FRMPD1: variants seen among roughly 807,000 people sequenced by gnomAD.
FRMPD1 encodes the protein FERM and PDZ domain containing 1, also known as FERM and PDZ domain-containing protein 1.
A neutral mutation model predicts 117.8 loss-of-function variants in FRMPD1; 76 were observed. The observed-to-expected ratio is 0.65, with a 90% CI of 0.54 to 0.78. The LOEUF (loss-of-function observed/expected upper bound fraction) is 0.78. FRMPD1 is among the 30% of genes least tolerant of loss of function. The pLI is 0.00. For synonymous variants in FRMPD1, 783 were observed against 770.4 expected (o/e 1.02, Z -0.27); for missense variants, 1,786 against 1,964.5 (o/e 0.91, Z 1.72).
At chr9:37,619,769 A>G in the FRMPD1 span, among the ~76,000 whole-genome samples, 1 of 151,924 alleles carries the variant, frequency 6.6e-6, no homozygotes, top group Non-Finnish European at 1.5e-5. Context: ...GAAAAAAAAA[A>G]AAAAGAAATT....
intron 2 of FRMPD1, among the ~76,000 whole-genome samples, chr9:37,703,198 A>G (rs1037623522): frequency 6.6e-5 from 10 of 152,212 alleles, no homozygotes; most frequent in Non-Finnish European, 8.8e-5. Context: ...AGGTTCACCA[A>G]TGATTTCCTA....
At chr9:37,676,792 C>A (rs969989870) in intron 1 of FRMPD1, among the ~76,000 whole-genome samples, 4 of 152,188 alleles carry the variant, frequency 2.6e-5, no homozygotes, top group Non-Finnish European at 5.9e-5. Context: ...CACTGCCCTG[C>A]TGTTGGCAGG....
intron 15 of FRMPD1, among the ~76,000 whole-genome samples, chr9:37,744,045 T>C (rs10973516): frequency 0.24 from 36,390 of 151,758 alleles, 5,014 homozygotes; most frequent in African/African-American, 0.38. Flanking sequence ...AAAAATTAGC[T>C]GGGCATGGTG....
At chr9:37,624,251 G>C in the FRMPD1 span, among the ~76,000 whole-genome samples, 95 of 152,348 alleles carry the variant, frequency 6.2e-4, no homozygotes, top group Non-Finnish European at 9.8e-4. Flanking sequence ...CTTAGTTACT[G>C]TCCTTTATTC....
chr9:37,730,418 A>G (rs940406604), intron 8 of FRMPD1, among the ~76,000 whole-genome samples: 1 of 152,220 alleles, frequency 6.6e-6, no homozygotes, highest in Non-Finnish European at 1.5e-5. Flanking sequence ...GAGGATTTTA[A>G]CAGTTGGAAA....
chr9:37,683,930 T>C (rs914582867), intron 1 of FRMPD1, among the ~76,000 whole-genome samples: 1 of 148,190 alleles, frequency 6.7e-6, no homozygotes, highest in African/African-American at 2.5e-5. Context: ...CAGAGTGTTG[T>C]GTGAGGGAGA....
At chr9:37,661,659 C>T (rs1297255512) in intron 1 of FRMPD1, 2 of 152,246 alleles carry the variant, frequency 1.3e-5, no homozygotes, top group African/African-American at 2.4e-5. Flanking sequence ...ACTACCACCA[C>T]CTCTCTGTGT....
At chr9:37,630,159 T>C in the FRMPD1 span, among the ~76,000 whole-genome samples, 14 of 152,248 alleles carry the variant, frequency 9.2e-5, no homozygotes, top group African/African-American at 3.4e-4. Context: ...GATTTCAACA[T>C]GTGAATTTTG....
At chr9:37,663,603 A>G (rs766166483) in intron 1 of FRMPD1, among the ~76,000 whole-genome samples, 5 of 152,106 alleles carry the variant, frequency 3.3e-5, no homozygotes, top group African/African-American at 7.2e-5. Flanking sequence ...TTATCTTTCA[A>G]TTCTAGTGTT....
chr9:37,714,775 T>A (rs763860096), intron 5 of FRMPD1, among the ~76,000 whole-genome samples: 2 of 151,920 alleles, frequency 1.3e-5, no homozygotes, highest in African/African-American at 2.4e-5. Flanking sequence ...GTCCCCTGAG[T>A]AACTGGCATT....
the FRMPD1 span, among the ~76,000 whole-genome samples, chr9:37,604,696 G>C: frequency 6.6e-6 from 1 of 152,200 alleles, no homozygotes; most frequent in Admixed American, 6.5e-5. Context: ...CAAGGCACCA[G>C]CCAAATGTTA....
intron 5 of FRMPD1, among the ~76,000 whole-genome samples, chr9:37,713,914 A>T (rs983941166): frequency 2.6e-5 from 4 of 152,236 alleles, no homozygotes; most frequent in Admixed American, 2.6e-4. Context: ...AGGTGATTTG[A>T]TTACATGAAA....
intron 1 of FRMPD1, chr9:37,669,635 G>T (rs892083856): frequency 6.6e-6 from 1 of 151,946 alleles, no homozygotes; most frequent in Non-Finnish European, 1.5e-5. Context: ...CCCTTTTTCT[G>T]CTTCTCTGCA....
chr9:37,733,210 C>T (rs1823968937), intron 10 of FRMPD1, among the ~76,000 whole-genome samples: 1 of 152,130 alleles, frequency 6.6e-6, no homozygotes, highest in Non-Finnish European at 1.5e-5. Context: ...AGAACTCCTG[C>T]TCTGACTGAT....
chr9:37,613,215 TA>T, the FRMPD1 span, among the ~76,000 whole-genome samples: 1 of 152,174 alleles, frequency 6.6e-6, no homozygotes, highest in African/African-American at 2.4e-5. Context: ...AGAGGGAAGA[TA>T]AAAGTCATCT....
the FRMPD1 span, among the ~76,000 whole-genome samples, chr9:37,627,406 T>C: frequency 1.6e-4 from 24 of 152,378 alleles, no homozygotes; most frequent in South Asian, 5.0e-3. Context: ...ACTGTGCAAG[T>C]GAGTCTTAAG....
chr9:37,746,716 AC>A lies in FRMPD1; in HGVS notation c.4685del (p.Thr1562ArgfsTer7), dbSNP rs775856172. 2 of 1,614,008 alleles carry A rather than the reference AC, an allele frequency of 1.2e-6. No homozygotes were observed. Among genetic ancestry groups the A allele is most frequent in the East Asian group, 4.5e-5 (2 of 44,878 alleles). ...KLLARQCTAL[T>X]AAVFCLTQKF... is the part of the protein sequence containing the mutation. ...CCTGGCCCGTCAGTGCACGGCCCTC[AC>A]GGCCGCCGTGTTCTGTTTGACCCAG... On this transcript the variant is annotated frameshift_variant, in exon 16 of 16. Coordinates refer to ENST00000377765, the MANE Select transcript of FRMPD1 (RefSeq NM_014907.3). LOFTEE classifies it high-confidence loss of function.
chr9:37,741,048 A>C (rs1824388272), intron 15 of FRMPD1, 164 bp downstream of exon 15: 2 of 620,560 alleles, frequency 3.2e-6, no homozygotes, highest in Admixed American at 5.0e-5. Flanking sequence ...AATTTTAGGC[A>C]TCGTGGCAGG....
chr9:37,676,130 A>G (rs1821520653), intron 1 of FRMPD1, among the ~76,000 whole-genome samples: 1 of 152,202 alleles, frequency 6.6e-6, no homozygotes, highest in South Asian at 2.1e-4. Flanking sequence ...CCCAGAGCAT[A>G]GATATGGCTT....
Sources: allele counts gnomAD v4.1 joint callset (sites outside exome capture counted in the v4.1 genomes callset), GRCh38; gene constraint gnomAD v4.1.1; transcripts MANE v1.5; gene names NCBI Gene and HGNC (gene_info 2026-07-23, HGNC 2026-07-21).